BLK: variants seen among roughly 807,000 people sequenced by gnomAD.
The protein encoded by BLK is BLK proto-oncogene, Src family tyrosine kinase.
In BLK, 64 loss-of-function variants were observed where a neutral mutation model predicts 61.8. The ratio of observed to expected loss-of-function variants is 1.03; its 90% CI spans 0.85 to 1.27. The LOEUF (loss-of-function observed/expected upper bound fraction) is 1.27. Ranked by LOEUF, BLK falls within the 50% of genes most tolerant of loss-of-function variation. The probability of loss-of-function intolerance (pLI) is 0.00; values close to 1 mark genes in which losing one functional copy is unlikely to be tolerated. For synonymous variants in BLK, 351 were observed against 272.0 expected, an observed-to-expected ratio of 1.29 and a Z score of -2.86; for missense variants, 853 against 660.5, an observed-to-expected ratio of 1.29 and a Z score of -3.19.
chr8:11,539,690 C>T (rs1207071356), intron 1 of BLK, among the ~76,000 whole-genome samples: 1 of 152,112 alleles, frequency 6.6e-6, no homozygotes, highest in Non-Finnish European at 1.5e-5. Flanking sequence ...TAAGCCCACA[C>T]TCTGTGCCAG....
chr8:11,558,186 A>G, intron 10 of BLK, 148 bp downstream of exon 10: 1 of 788,550 alleles, frequency 1.3e-6, no homozygotes, highest in Non-Finnish European at 2.1e-6. Flanking sequence ...GATATCCCCA[A>G]GGTCACCCAC....
chr8:11,545,725 G>A (rs890204265), intron 2 of BLK: 24 of 400,062 alleles, frequency 6.0e-5, no homozygotes, highest in Non-Finnish European at 7.9e-5. Context: ...ACAAATACCC[G>A]TTTGCAGTTT....
chr8:11,536,399 A>G (rs927401839), intron 1 of BLK, among the ~76,000 whole-genome samples: 1 of 152,090 alleles, frequency 6.6e-6, no homozygotes, highest in Non-Finnish European at 1.5e-5. Flanking sequence ...TTATTATTTT[A>G]TTTATTTTTT....
chr8:11,500,226 C>T (rs1008868361), intron 1 of BLK, among the ~76,000 whole-genome samples: 1 of 152,210 alleles, frequency 6.6e-6, no homozygotes, highest in African/African-American at 2.4e-5. Context: ...CAAGGTCTCA[C>T]TCTGTTGCCC....
At chr8:11,551,162 T>C (rs769208916) in intron 6 of BLK, among the ~76,000 whole-genome samples, 1 of 152,256 alleles carries the variant, frequency 6.6e-6, no homozygotes, top group Non-Finnish European at 1.5e-5. Context: ...GTCTTGCTTC[T>C]GTCACTCAGC....
At chr8:11,515,644 A>G (rs2117306234) in intron 1 of BLK, among the ~76,000 whole-genome samples, 1 of 152,042 alleles carries the variant, frequency 6.6e-6, no homozygotes, top group East Asian at 1.9e-4. Context: ...GAGGCCAGTC[A>G]CTTACCTCCT....
In BLK at chr8:11,563,096, G is replaced by T. The variant is rs780871482; in HGVS notation, c.1298G>T (p.Arg433Leu). 3 of 1,613,808 alleles carry T rather than the reference G, an allele frequency of 1.9e-6. No homozygotes were observed. The South Asian group carries it at 3.3e-5, about 18-fold the overall frequency. ...CTGATGGAAGTTGTCACTTATGGGC[G>T]GGTGCCATACCCAGGTAGGTGGCTC... ...VLLMEVVTYG[R>L]VPYPGMSNPE... Residue 433 changes from arginine to leucine, a missense_variant, in exon 12 of 13, where the codon CGG (arginine) becomes CTG (leucine). Arg to Leu is a moderately radical substitution (Grantham distance 102). Transcript: ENST00000259089.
intron 1 of BLK, among the ~76,000 whole-genome samples, chr8:11,537,201 A>G (rs1016219802): frequency 3.9e-5 from 6 of 152,184 alleles, no homozygotes; most frequent in Non-Finnish European, 5.9e-5. Context: ...TTTAATTCAG[A>G]GCCATAGGCC....
chr8:11,545,571 A>G (rs570274580), intron 2 of BLK, among the ~76,000 whole-genome samples: 2 of 152,280 alleles, frequency 1.3e-5, no homozygotes, highest in African/African-American at 4.8e-5. Context: ...TTTATGTATT[A>G]TGATTTTTGC....
At chr8:11,556,932 A>G (rs542703443) in intron 9 of BLK, 95 bp downstream of exon 9, 42 of 566,152 alleles carry the variant, frequency 7.4e-5, no homozygotes, top group Middle Eastern at 7.3e-4. Context: ...TCACCAGGCC[A>G]GGGGGTCCTG....
chr8:11,555,212 C>A, intron 7 of BLK, 120 bp from the exon 8 acceptor site: 1 of 1,352,602 alleles, frequency 7.4e-7, no homozygotes, highest in Non-Finnish European at 1.0e-6. Context: ...CGTGTGCACA[C>A]ACCCATGCAG....
intron 1 of BLK, among the ~76,000 whole-genome samples, chr8:11,511,653 T>C (rs1406212337): frequency 2.6e-5 from 4 of 152,314 alleles, no homozygotes; most frequent in South Asian, 4.2e-4. Flanking sequence ...TTCCCACTTA[T>C]TATTGTTGAA....
At chr8:11,521,001 A>C (rs955116692) in intron 1 of BLK, among the ~76,000 whole-genome samples, 1 of 152,216 alleles carries the variant, frequency 6.6e-6, no homozygotes, top group Non-Finnish European at 1.5e-5. Flanking sequence ...AAAATGAATG[A>C]GAAAGAATAA....
intron 1 of BLK, among the ~76,000 whole-genome samples, chr8:11,512,081 C>G (rs1027504873): frequency 8.5e-5 from 13 of 152,138 alleles, no homozygotes; most frequent in African/African-American, 2.7e-4. Context: ...GATAAACAAC[C>G]AAACAAACAA....
At chr8:11,540,967 A>C (rs1474334741) in intron 1 of BLK, among the ~76,000 whole-genome samples, 1 of 152,180 alleles carries the variant, frequency 6.6e-6, no homozygotes, top group Non-Finnish European at 1.5e-5. Flanking sequence ...CATTCTAAAT[A>C]AAATATTAGC....
intron 3 of BLK, among the ~76,000 whole-genome samples, chr8:11,546,353 A>G (rs999352597): frequency 1.3e-5 from 2 of 152,212 alleles, no homozygotes. Flanking sequence ...TGTAAACAAG[A>G]ACAAAAACAA....
intron 1 of BLK, among the ~76,000 whole-genome samples, chr8:11,511,149 A>T (rs1413219652): frequency 6.6e-6 from 1 of 152,234 alleles, no homozygotes; most frequent in African/African-American, 2.4e-5. Flanking sequence ...TTGAAATTCA[A>T]GAGACCAAAC....
chr8:11,515,354 C>G (rs2117304979), intron 1 of BLK, among the ~76,000 whole-genome samples: 1 of 152,236 alleles, frequency 6.6e-6, no homozygotes, highest in South Asian at 2.1e-4. Context: ...AAGCCGGCCT[C>G]CTGGGATGCT....
chr8:11,549,904 G>A (rs906062954), intron 5 of BLK: 1 of 514,636 alleles, frequency 1.9e-6, no homozygotes, highest in Non-Finnish European at 3.5e-6. Context: ...ATTAACAAAG[G>A]TCAACCAACT....
Sources: gnomAD v4.1 joint callset for allele counts (sites outside exome capture counted in the v4.1 genomes callset) on GRCh38, gnomAD v4.1.1 for gene constraint, MANE v1.5 for transcripts, NCBI Gene and HGNC (gene_info 2026-07-23, HGNC 2026-07-21) for gene names.